Variants in OR6N1 observed in about 807,000 individuals in gnomAD.
The protein encoded by OR6N1 is olfactory receptor 6N1.
For synonymous variants in OR6N1, 170 were observed against 150.7 expected, an observed-to-expected ratio of 1.13 and a Z score of -0.94; for missense variants, 394 against 371.7, an observed-to-expected ratio of 1.06 and a Z score of -0.49.
the OR6N1 span, among the ~76,000 whole-genome samples, chr1:158,834,451 CA>C: frequency 6.6e-6 from 1 of 151,934 alleles, no homozygotes; most frequent in Non-Finnish European, 1.5e-5. Context: ...CAATTTTTAT[CA>C]CACTGTTTGG....
chr1:158,814,337 T>C, the OR6N1 span, among the ~76,000 whole-genome samples: 1 of 152,212 alleles, frequency 6.6e-6, no homozygotes, highest in African/African-American at 2.4e-5. Flanking sequence ...TATATACACA[T>C]ATATACATAC....
In OR6N1 at chr1:158,765,963, C is replaced by T. The variant is rs775400106; in HGVS notation, c.720G>A (p.Thr240=). Residue 240 remains threonine (T), a synonymous_variant, in exon 2 of 2, where the codon ACG becomes ACA. Transcript: ENST00000641846. ...SAAGKRKAIS[T]CASHFTVVLI... is the part of the protein sequence containing the mutation. ...GAACCACAGTGAAGTGGGAGGCACA[C>T]GTGGAGATGGCCTTCCTCTTGCCGG... 16 of 1,613,950 alleles carry T rather than the reference C, an allele frequency of 9.9e-6. No homozygotes were observed. The highest frequency in any genetic ancestry group is 1.7e-5 in the Admixed American group (1 of 59,994).
At chr1:158,794,038 C>T in the OR6N1 span, among the ~76,000 whole-genome samples, 1 of 152,122 alleles carries the variant, frequency 6.6e-6, no homozygotes, top group African/African-American at 2.4e-5. Flanking sequence ...TCCTGATGTT[C>T]TATGTAGAGG....
chr1:158,791,038 T>G, the OR6N1 span, among the ~76,000 whole-genome samples: 1,619 of 152,320 alleles, frequency 0.011, 29 homozygotes, highest in African/African-American at 0.036. Flanking sequence ...AGGTTTTTGT[T>G]TTTAATTCTG....
chr1:158,809,745 C>A, the OR6N1 span, among the ~76,000 whole-genome samples: 1 of 152,158 alleles, frequency 6.6e-6, no homozygotes, highest in Non-Finnish European at 1.5e-5. Flanking sequence ...GTTGAAGCTT[C>A]TTTCAGGAAG....
At position 158,766,460 on chromosome 1, in the gene OR6N1, C is replaced by T. The variant is rs1468558402; in HGVS notation, c.223G>A (p.Ala75Thr). The change falls in exon 2 of 2, where the codon GCT becomes ACT. Residue 75 changes from alanine to threonine, a missense_variant. Ala to Thr is a moderately conservative substitution (Grantham distance 58). Transcript: ENST00000641846. ...GCCAGCATCTTAGGGATGGTGGCAGCTGTATAGCCAAGCTCTGAGAAGGAG... is the reference window on the plus strand; with the variant it reads ...GCCAGCATCTTAGGGATGGTGGCAGTTGTATAGCCAAGCTCTGAGAAGGAG... ...ILSFSELGYTAATIPKMLANL... is the reference protein window; with the variant it reads ...ILSFSELGYTTATIPKMLANL... 2 of 1,613,992 alleles carry T rather than the reference C, an allele frequency of 1.2e-6. No homozygotes were observed. The highest frequency in any genetic ancestry group is 2.7e-5 in the African/African-American group (2 of 74,906).
the OR6N1 span, among the ~76,000 whole-genome samples, chr1:158,830,382 C>A: frequency 1.3e-5 from 2 of 152,174 alleles, no homozygotes; most frequent in Non-Finnish European, 2.9e-5. Flanking sequence ...TCTCTCTATG[C>A]TGCTGGTTTG....
At chr1:158,840,081 C>T in the OR6N1 span, among the ~76,000 whole-genome samples, 1 of 152,144 alleles carries the variant, frequency 6.6e-6, no homozygotes, top group Non-Finnish European at 1.5e-5. Flanking sequence ...TTTAGAAAGA[C>T]TACTTAATGC....
At chr1:158,789,516 A>C in the OR6N1 span, among the ~76,000 whole-genome samples, 1 of 152,054 alleles carries the variant, frequency 6.6e-6, no homozygotes, top group African/African-American at 2.4e-5. Flanking sequence ...TCTCTTTTTT[A>C]TAAAAGCTAT....
At position 158,765,440 on chromosome 1, in the gene OR6N1, T is replaced by C. The variant is rs979926094; in HGVS notation, c.*304A>G. On this transcript the variant is annotated 3_prime_UTR_variant, in exon 2 of 2. Coordinates refer to ENST00000641846, the MANE Select transcript of OR6N1 (RefSeq NM_001005185.2). Reference sequence around the variant, plus strand: ...TTGAAAAATGCCTATAAACGTATAATAGGTAAGACACAGATTTTAAAAAAA... The same window carrying C: ...TTGAAAAATGCCTATAAACGTATAACAGGTAAGACACAGATTTTAAAAAAA... The C allele has an allele frequency of 4.9e-5, 12 of 244,594 alleles. No homozygotes were observed. The highest frequency in any genetic ancestry group is 2.5e-4 in the African/African-American group (11 of 44,884). The allele number at this position is 244,594 out of a possible 1,614,324, so 15.2% of individuals were successfully genotyped here.
chr1:158,786,112 A>G, the OR6N1 span, among the ~76,000 whole-genome samples: 3 of 152,356 alleles, frequency 2.0e-5, 1 homozygote, highest in South Asian at 4.1e-4. Flanking sequence ...TATGCATCCA[A>G]CGAAAGACTA....
chr1:158,779,503 C>A, the OR6N1 span, among the ~76,000 whole-genome samples: 1 of 152,172 alleles, frequency 6.6e-6, no homozygotes, highest in Non-Finnish European at 1.5e-5. Context: ...TCAGCCAATG[C>A]CGAACATTTC....
chr1:158,799,900 T>C, the OR6N1 span, among the ~76,000 whole-genome samples: 1 of 152,126 alleles, frequency 6.6e-6, no homozygotes, highest in African/African-American at 2.4e-5. Flanking sequence ...AGAAGAAGTC[T>C]ATGACTCATT....
chr1:158,831,091 G>A, the OR6N1 span, among the ~76,000 whole-genome samples: 27 of 152,218 alleles, frequency 1.8e-4, no homozygotes, highest in African/African-American at 4.6e-4. Context: ...AGCGGCTACC[G>A]GTTTCTAATG....
At chr1:158,825,391 A>T in the OR6N1 span, among the ~76,000 whole-genome samples, 3 of 151,818 alleles carry the variant, frequency 2.0e-5, no homozygotes, top group Non-Finnish European at 4.4e-5. Flanking sequence ...GTGAGCCAAG[A>T]TTGTGCCACT....
At chr1:158,792,749 C>T in the OR6N1 span, among the ~76,000 whole-genome samples, 1 of 152,152 alleles carries the variant, frequency 6.6e-6, no homozygotes. Context: ...ACTGAGAAGC[C>T]TGCTGTTAGT....
At chr1:158,772,234 C>T (rs1375032443), upstream of OR6N1, 1 of 152,114 alleles carries the variant, frequency 6.6e-6, no homozygotes, top group Non-Finnish European at 1.5e-5. Flanking sequence ...AATTCTTCTC[C>T]CATAAAACCT....
chr1:158,792,699 A>G, the OR6N1 span, among the ~76,000 whole-genome samples: 1 of 152,220 alleles, frequency 6.6e-6, no homozygotes, highest in African/African-American at 2.4e-5. Context: ...TAAGGAAACT[A>G]AAGATAGGAC....
upstream of OR6N1, among the ~76,000 whole-genome samples, chr1:158,773,369 A>G (rs996213518): frequency 2.0e-5 from 3 of 152,202 alleles, no homozygotes; most frequent in African/African-American, 4.8e-5. Flanking sequence ...TAAGGCAATT[A>G]AGAGTTAAAT....
Sources: allele counts gnomAD v4.1 joint callset (sites outside exome capture counted in the v4.1 genomes callset), GRCh38; gene constraint gnomAD v4.1.1; transcripts MANE v1.5; gene names NCBI Gene and HGNC (gene_info 2026-07-23, HGNC 2026-07-21).